The following MINDY1 variants were observed in gnomAD, a reference collection of about 807,000 sequenced individuals.
MINDY1 encodes MINDY lysine 48 deubiquitinase 1.
A neutral mutation model predicts 53.6 loss-of-function variants in MINDY1; 50 were observed. The observed-to-expected ratio is 0.93, with a 90% CI of 0.74 to 1.18. MINDY1 has a LOEUF of 1.18. MINDY1 is among the 50% of genes most tolerant of loss of function. The pLI is 0.00. For synonymous variants in MINDY1, 231 were observed against 234.7 expected (o/e 0.98, Z 0.14); for missense variants, 484 against 578.6 (o/e 0.84, Z 1.68).
At position 150,998,075 on chromosome 1, in the gene MINDY1, T is replaced by C; in HGVS notation, c.1173+7A>G. 1.0e-5 allele frequency: 16 copies of C among 1,606,868 alleles called. No individual in the cohort carries two copies. The highest frequency in any genetic ancestry group is 1.3e-5 in the Non-Finnish European group (15 of 1,177,836). On this transcript the variant is annotated splice_region_variant and intron_variant, in intron 8 of 9. Coordinates refer to ENST00000683666, the MANE Select transcript of MINDY1 (RefSeq NM_001376665.1). The stretch of plus-strand genomic sequence containing the variant: ...CTCTCTGCACTTTTCCTAAGTGCCC[T>C]ACACACCTGGTCTACCTGCAGCTGC...
Position 150,999,324 on chromosome 1 carries a change from A to G in MINDY1, c.981+45T>C. The stretch of plus-strand genomic sequence containing the variant: ...GCTGGACCCACGAGAAAAAGGCACC[A>G]GGAAATGACAGCACCGCAGCACGCC... On this transcript the variant is annotated intron_variant, in intron 7 of 9. Coordinates refer to ENST00000683666, the MANE Select transcript of MINDY1 (RefSeq NM_001376665.1). This position sits in a 1 kb window ranked among gnomAD's most constrained non-coding sequence, Gnocchi z 4.4. 1 of 1,608,412 alleles carries G rather than the reference A, an allele frequency of 6.2e-7. No homozygotes were observed. Among genetic ancestry groups the G allele is most frequent in the Admixed American group, 1.7e-5 (1 of 59,626 alleles).
At chr1:151,005,779 AAAG>A (rs1673128461) in intron 1 of MINDY1, among the ~76,000 whole-genome samples, 1 of 149,568 alleles carries the variant, frequency 6.7e-6, no homozygotes, top group African/African-American at 2.4e-5. Flanking sequence ...CAGATAAATC[AAAG>A]TTTCATTCTT....
At chr1:151,005,743 T>C (rs1038982695) in intron 1 of MINDY1, among the ~76,000 whole-genome samples, 3 of 152,120 alleles carry the variant, frequency 2.0e-5, no homozygotes, top group African/African-American at 4.8e-5. Context: ...TATTTCAGAG[T>C]AGGAAAGAAT....
intron 3 of MINDY1, 144 bp downstream of exon 3, chr1:151,001,581 C>A (rs1672578202): frequency 9.4e-7 from 1 of 1,059,014 alleles, no homozygotes. Flanking sequence ...CATTCTCCAG[C>A]CTTGCAGAGA....
rs1672526401 is a variant in MINDY1 at position 151,001,203 on chromosome 1, C to T, written c.576+47G>A. On this transcript the variant is annotated intron_variant, in intron 4 of 9. Transcript: ENST00000683666. Reference sequence around the variant, plus strand: ...GCTTATCTTAGTATTACAAGATGTCCCCTTACAAACCTGCAAACCCCTATG... The same window carrying T: ...GCTTATCTTAGTATTACAAGATGTCTCCTTACAAACCTGCAAACCCCTATG... 3 of 1,581,896 alleles carry T rather than the reference C, an allele frequency of 1.9e-6. No homozygotes were observed. The East Asian group carries it at 6.7e-5, about 35-fold the overall frequency.
upstream of MINDY1, chr1:151,008,341 C>A: frequency 1.5e-6 from 2 of 1,310,384 alleles, no homozygotes; most frequent in Non-Finnish European, 2.0e-6. Context: ...TTTCCCACGT[C>A]GCCCCACGCC....
Position 151,001,328 on chromosome 1 carries a change from C to T in MINDY1, c.512-14G>A. ...GGAGGCAGTTTCCTACAAGACAGGG[C>T]CCCTTATCAGCTTACCCCACCAATC... On this transcript the variant is annotated splice_polypyrimidine_tract_variant and intron_variant, in intron 3 of 9. Coordinates refer to ENST00000683666, the MANE Select transcript of MINDY1 (RefSeq NM_001376665.1). The T allele has an allele frequency of 1.3e-5, 21 of 1,613,990 alleles. No individual in the cohort carries two copies. Among genetic ancestry groups the T allele is most frequent in the Middle Eastern group, 1.6e-4 (1 of 6,062 alleles).
intron 5 of MINDY1, 130 bp downstream of exon 5, chr1:151,000,327 C>G (rs1672400156): frequency 1.1e-6 from 1 of 923,940 alleles, no homozygotes; most frequent in African/African-American, 1.7e-5. Context: ...GTACTGGGTC[C>G]AGTCTCTAAA....
chr1:151,002,872 T>C lies in MINDY1; in HGVS notation c.-89-166A>G, dbSNP rs1240704248. 2 of 1,417,740 alleles carry C rather than the reference T, an allele frequency of 1.4e-6. No individual in the cohort carries two copies. The highest frequency in any genetic ancestry group is 2.9e-5 in the African/African-American group (2 of 69,328). The allele number at this position is 1,417,740 out of a possible 1,614,324, so 87.8% of individuals were successfully genotyped here. On this transcript the variant is annotated intron_variant, in intron 1 of 9. Transcript: ENST00000683666. This position sits in a 1 kb window ranked among gnomAD's most constrained non-coding sequence, Gnocchi z 4.1. The stretch of plus-strand genomic sequence containing the variant: ...CCCCGTGCTGAGCTCTTTCCACCTC[T>C]AACTTGCTGTGACCAGATGAGACCA...
At position 150,997,762 on chromosome 1, in the gene MINDY1, C is replaced by A; in HGVS notation, c.1191G>T (p.Leu397=). ...CTCGTGGCTGTTGCTGCTGCAGGGACAGAGCAATCAGGTAGTCCTGGGGAG... is the reference window on the plus strand; with the variant it reads ...CTCGTGGCTGTTGCTGCTGCAGGGAAAGAGCAATCAGGTAGTCCTGGGGAG... ...LQVDQDYLIA[L]SLQQQQPRGP... The change falls in exon 9 of 10, where the codon CTG becomes CTT. Residue 397 remains leucine (L), a synonymous_variant. Transcript: ENST00000683666. 1.2e-6 allele frequency: 2 copies of A among 1,613,272 alleles called. No individual in the cohort carries two copies. Among genetic ancestry groups the A allele is most frequent in the Non-Finnish European group, 1.7e-6 (2 of 1,179,622 alleles).
chr1:150,998,795 A>G (rs587616285), intron 7 of MINDY1, among the ~76,000 whole-genome samples: 1 of 152,322 alleles, frequency 6.6e-6, no homozygotes, highest in South Asian at 2.1e-4. Context: ...GAGATGCCAC[A>G]TAAGACCCTG....
chr1:150,997,274 C>G lies in MINDY1; in HGVS notation c.*13G>C. On this transcript the variant is annotated 3_prime_UTR_variant, in exon 10 of 10. Transcript: ENST00000683666. ...TGGAAGAAGGGGCAGGCCAGCCTGG[C>G]ACTGGGGCAGAGCTACAGCAGAATG... 3 of 1,577,738 alleles carry G rather than the reference C, an allele frequency of 1.9e-6. No individual in the cohort carries two copies. The highest frequency in any genetic ancestry group is 1.7e-6 in the Non-Finnish European group (2 of 1,159,676).
At chr1:151,007,297 A>G (rs1182286254), upstream of MINDY1, among the ~76,000 whole-genome samples, 1 of 152,216 alleles carries the variant, frequency 6.6e-6, no homozygotes, top group Non-Finnish European at 1.5e-5. Context: ...CAAGGTCAAG[A>G]GATCAAGACC....
In MINDY1 at chr1:151,006,794, G is replaced by A; in HGVS notation, c.-572C>T. 1.0e-6 allele frequency: 1 copy of A among 985,614 alleles called. No individual in the cohort carries two copies. The allele number at this position is 985,614 out of a possible 1,614,324, so 61.1% of individuals were successfully genotyped here. On this transcript the variant is annotated 5_prime_UTR_variant, in exon 1 of 10. Coordinates refer to ENST00000683666, the MANE Select transcript of MINDY1 (RefSeq NM_001376665.1). ...CCATCAGGACTTTCTGACCCGGTCA[G>A]CAGCTTTGTGATCAGCAGAGAGGGA...
At chr1:151,008,214 A>G, upstream of MINDY1, 1 of 1,108,216 alleles carries the variant, frequency 9.0e-7, no homozygotes. Flanking sequence ...GGGAAAGTTC[A>G]GATGCCACAA....
rs776414262 is a variant in MINDY1 at position 150,999,832 on chromosome 1, T to C, written c.838+30A>G. 8 of 1,586,068 alleles carry C rather than the reference T, an allele frequency of 5.0e-6. No homozygotes were observed. The highest frequency in any genetic ancestry group is 6.9e-6 in the Non-Finnish European group (8 of 1,154,910). On this transcript the variant is annotated intron_variant, in intron 6 of 9. Coordinates refer to ENST00000683666, the MANE Select transcript of MINDY1 (RefSeq NM_001376665.1). The surrounding 1 kb of genome is among the most constrained non-coding windows in gnomAD (Gnocchi z 4.4). ...CTAAGTAGCTGTCATTCCCTCCACA[T>C]ACTATCCATGAGAAGGGGAGGAATG...
rs375482038 is a variant in MINDY1, at chr1:151,001,805, C to G, written c.454-23G>C. ...CACCTGGAGGCAGAAGGGGTGATCACGTGTGTGCTTTCCTCCAAAGAGCAC... is the reference window on the plus strand; with the variant it reads ...CACCTGGAGGCAGAAGGGGTGATCAGGTGTGTGCTTTCCTCCAAAGAGCAC... On this transcript the variant is annotated intron_variant, in intron 2 of 9. Transcript: ENST00000683666. 76 of 1,575,336 alleles carry G rather than the reference C, an allele frequency of 4.8e-5. 1 individual carries two copies. In the African/African-American group the frequency reaches 8.0e-4, roughly 17 times the overall value.
At chr1:151,003,653 C>T (rs1672813939) in intron 1 of MINDY1, among the ~76,000 whole-genome samples, 1 of 152,088 alleles carries the variant, frequency 6.6e-6, no homozygotes, top group African/African-American at 2.4e-5. Flanking sequence ...CCAAGCAATC[C>T]GCCCTCCTCA....
rs202059139 is a variant in MINDY1, at chr1:150,997,313, G to C, written c.1384C>G (p.His462Asp). 213 of 1,598,658 alleles carry C rather than the reference G, an allele frequency of 1.3e-4. 1 individual carries two copies. The highest frequency in any genetic ancestry group is 1.7e-4 in the Non-Finnish European group (197 of 1,171,252). ...PAGERRQRPK[H>D]ESDCILL Reference sequence around the variant, plus strand: ...TACAGCAGAATGCAGTCTGACTCGTGCTTCGGCCTCTGCCGACGCTCCCCG... The same window carrying C: ...TACAGCAGAATGCAGTCTGACTCGTCCTTCGGCCTCTGCCGACGCTCCCCG... The change falls in exon 10 of 10, where the codon CAC becomes GAC. Residue 462 changes from histidine (H) to aspartate (D), a missense_variant. His to Asp is a moderately conservative substitution (Grantham distance 81). Transcript: ENST00000683666.
Sources: gnomAD v4.1 joint callset for allele counts (sites outside exome capture counted in the v4.1 genomes callset) on GRCh38, gnomAD v4.1.1 for gene constraint, Gnocchi (gnomAD v3.1) non-coding constraint, MANE v1.5 for transcripts, NCBI Gene and HGNC (gene_info 2026-07-23, HGNC 2026-07-21) for gene names.